GAN: variants seen among roughly 807,000 people sequenced by gnomAD.
The protein encoded by GAN is gigaxonin, also known as epididymis secretory sperm binding protein.
A neutral mutation model predicts 71.3 loss-of-function variants in GAN; 48 were observed. The ratio of observed to expected loss-of-function variants is 0.67; its 90% CI spans 0.53 to 0.86. The LOEUF is 0.86. Ranked by LOEUF, GAN falls within the 40% of genes least tolerant of loss-of-function variation. The pLI, the probability that GAN is intolerant of heterozygous loss-of-function variation, is 0.00. For missense variants in GAN, 928 were observed against 770.1 expected (o/e 1.21, Z -2.43); for synonymous variants, 386 against 276.8 (o/e 1.39, Z -3.92).
At chr16:81,364,594 CG>C (rs1181377649) in intron 7 of GAN, among the ~76,000 whole-genome samples, 3 of 152,120 alleles carry the variant, frequency 2.0e-5, no homozygotes, top group Non-Finnish European at 4.4e-5. Context: ...GAGGCTGAGG[CG>C]GAAGGATCTG....
In GAN at chr16:81,386,240, T is replaced by G. The variant is rs1399617669; in HGVS notation, c.*8644T>G. The G allele has an allele frequency of 1.3e-5, 2 of 152,246 alleles. No homozygotes were observed. The allele number at this position is 152,246 out of a possible 1,614,324, so 9.4% of individuals were successfully genotyped here. A position where few individuals can be genotyped will look rare whatever the true frequency, so the allele number is the denominator to read the frequency against. On this transcript the variant is annotated 3_prime_UTR_variant, in exon 11 of 11. Coordinates refer to ENST00000648994, the MANE Select transcript of GAN (RefSeq NM_022041.4). ...TAATACTTAAAACTCTTTACTAAAG[T>G]TGAATTTTCCTTTTTTTTCATTGAA...
rs200071920 is a variant in GAN, at chr16:81,356,925, A to G, written c.774A>G (p.Gln258=). The change falls in exon 4 of 11, where the codon CAA becomes CAG. Residue 258 remains glutamine, a synonymous_variant. Transcript: ENST00000648994. The part of the protein sequence containing the change: ...CSNIPLSQPQ[Q]GEAMLANFKP... ...ATATACCGCTCAGCCAGCCGCAGCAAGGGGAGGCGATGCTGGCCAACTTCA... is the reference window on the plus strand; with the variant it reads ...ATATACCGCTCAGCCAGCCGCAGCAGGGGGAGGCGATGCTGGCCAACTTCA... The G allele has an allele frequency of 6.2e-7, 1 of 1,613,914 alleles. No individual in the cohort carries two copies. The highest frequency in any genetic ancestry group is 8.5e-7 in the Non-Finnish European group (1 of 1,179,848).
intron 1 of GAN, among the ~76,000 whole-genome samples, chr16:81,334,855 A>G (rs1021307891): frequency 6.6e-6 from 1 of 152,304 alleles, no homozygotes; most frequent in African/African-American, 2.4e-5. Flanking sequence ...TGGTTCTCTA[A>G]CCTGGCTGCG....
rs934454329 is a variant in GAN, at chr16:81,333,753, G to A, written c.168-17830G>A. Among the ~76,000 whole-genome samples, 19 of 152,140 alleles carry A rather than the reference G, an allele frequency of 1.2e-4. No individual in the cohort carries two copies. In the South Asian group the frequency reaches 1.5e-3, roughly 12 times the overall value. Reference sequence around the variant, plus strand: ...TAGTACCTAATATCTCACCTGGTGCGGTGAGAGGCTAGCTACACAAAACAA... The same window carrying A: ...TAGTACCTAATATCTCACCTGGTGCAGTGAGAGGCTAGCTACACAAAACAA... On this transcript the variant is annotated intron_variant, in intron 1 of 10. Transcript: ENST00000648994.
rs1294068823 is a variant in GAN, at chr16:81,390,187, T to C, written c.*12591T>C. 2 of 152,196 alleles carry C rather than the reference T, an allele frequency of 1.3e-5. No homozygotes were observed. The allele number at this position is 152,196 out of a possible 1,614,324, so 9.4% of individuals were successfully genotyped here. A position where few individuals can be genotyped will look rare whatever the true frequency, so the allele number is the denominator to read the frequency against. ...TTTAGAAAGTTCAAAATATTGGAAG[T>C]GCTAGAAGGCTGCAACTTGTAAAAT... On this transcript the variant is annotated 3_prime_UTR_variant, in exon 11 of 11. Coordinates refer to ENST00000648994, the MANE Select transcript of GAN (RefSeq NM_022041.4).
chr16:81,348,106 C>G (rs1303344598), intron 1 of GAN, among the ~76,000 whole-genome samples: 5 of 152,140 alleles, frequency 3.3e-5, no homozygotes, highest in African/African-American at 7.2e-5. Context: ...TTCCAAAGTG[C>G]TGGGGTTATA....
Position 81,382,416 on chromosome 16 carries a change from G to A in GAN, c.*4820G>A, listed in dbSNP as rs927357332. 1.1e-4 allele frequency: 16 copies of A among 152,184 alleles called. No individual in the cohort carries two copies. The highest frequency in any genetic ancestry group is 3.6e-4 in the African/African-American group (15 of 41,450). The allele number at this position is 152,184 out of a possible 1,614,324, so 9.4% of individuals were successfully genotyped here. A position where few individuals can be genotyped will look rare whatever the true frequency, so the allele number is the denominator to read the frequency against. ...TGATTTTCTTTGTTAGTTAGCTATA[G>A]GAAGGTTAAGAATTTATTTACTAAG... On this transcript the variant is annotated 3_prime_UTR_variant, in exon 11 of 11. Transcript: ENST00000648994.
intron 1 of GAN, among the ~76,000 whole-genome samples, chr16:81,323,604 A>C (rs1909286496): frequency 6.6e-6 from 1 of 152,218 alleles, no homozygotes; most frequent in African/African-American, 2.4e-5. Context: ...CTTCACAGAT[A>C]TATTTCACAG....
At chr16:81,327,266 A>G (rs1909421223) in intron 1 of GAN, among the ~76,000 whole-genome samples, 1 of 152,238 alleles carries the variant, frequency 6.6e-6, no homozygotes, top group Admixed American at 6.5e-5. Context: ...TTTCAGCTTC[A>G]AGTTGTTTGG....
At chr16:81,369,503 T>C (rs1207501771) in intron 9 of GAN, among the ~76,000 whole-genome samples, 1 of 152,256 alleles carries the variant, frequency 6.6e-6, no homozygotes, top group Non-Finnish European at 1.5e-5. Context: ...AAAATGTTTG[T>C]GTAGCTTGTT....
chr16:81,364,061 A>G lies in GAN; in HGVS notation c.1236+118A>G, dbSNP rs564767823. Reference sequence around the variant, plus strand: ...TGATGGTGTTAAAAGAATTAACTTTATAGAACTCTCTTTATCGGTAGTTTG... The same window carrying G: ...TGATGGTGTTAAAAGAATTAACTTTGTAGAACTCTCTTTATCGGTAGTTTG... On this transcript the variant is annotated intron_variant, in intron 7 of 10. Coordinates refer to ENST00000648994, the MANE Select transcript of GAN (RefSeq NM_022041.4). 19 of 863,016 alleles carry G rather than the reference A, an allele frequency of 2.2e-5. No individual in the cohort carries two copies. In the East Asian group the frequency reaches 3.1e-4, roughly 14 times the overall value. 53.5% of individuals were successfully genotyped at this position (863,016 alleles called of 1,614,324 possible). A position where few individuals can be genotyped will look rare whatever the true frequency, so the allele number is the denominator to read the frequency against.
At chr16:81,315,828 T>A (rs919729679) in intron 1 of GAN, among the ~76,000 whole-genome samples, 5 of 152,266 alleles carry the variant, frequency 3.3e-5, no homozygotes, top group African/African-American at 9.6e-5. Context: ...AGCGCCTCGC[T>A]GGGTGCAGGC....
intron 1 of GAN, among the ~76,000 whole-genome samples, chr16:81,347,658 G>C (rs140554116): frequency 6.6e-6 from 1 of 152,174 alleles, no homozygotes; most frequent in Non-Finnish European, 1.5e-5. Context: ...TGATAGTTTG[G>C]CTGGTTATAA....
chr16:81,361,938 G>C (rs6564873), intron 5 of GAN, among the ~76,000 whole-genome samples: 101,967 of 152,140 alleles, frequency 0.67, 34,674 homozygotes, highest in East Asian at 0.93. Flanking sequence ...AGTCCTTGTA[G>C]CTTGGCTTCC....
intron 1 of GAN, among the ~76,000 whole-genome samples, chr16:81,351,057 A>C (rs1252355607): frequency 2.0e-5 from 3 of 152,250 alleles, no homozygotes; most frequent in Non-Finnish European, 4.4e-5. Flanking sequence ...TTAAAATTTA[A>C]AATATATATT....
At chr16:81,352,322 C>T (rs531378705) in intron 2 of GAN, among the ~76,000 whole-genome samples, 41 of 152,292 alleles carry the variant, frequency 2.7e-4, no homozygotes, top group South Asian at 4.1e-4. Flanking sequence ...GAATGATAAA[C>T]GATCAGACTT....
intron 1 of GAN, among the ~76,000 whole-genome samples, chr16:81,332,595 T>C (rs557921712): frequency 6.6e-5 from 10 of 152,152 alleles, no homozygotes; most frequent in African/African-American, 2.4e-4. Flanking sequence ...GTGACCACTC[T>C]CTCCCAAGAG....
At chr16:81,334,991 G>A (rs1241932211) in intron 1 of GAN, among the ~76,000 whole-genome samples, 2 of 152,094 alleles carry the variant, frequency 1.3e-5, no homozygotes, top group Admixed American at 6.5e-5. Context: ...AAACAAATGC[G>A]TCTTATTAGA....
At chr16:81,367,799 A>C (rs1910909582) in intron 9 of GAN, among the ~76,000 whole-genome samples, 1 of 152,214 alleles carries the variant, frequency 6.6e-6, no homozygotes, top group Non-Finnish European at 1.5e-5. Context: ...CAGACACACA[A>C]GGAGCAAGAA....
Sources: gnomAD v4.1 joint callset for allele counts (sites outside exome capture counted in the v4.1 genomes callset) on GRCh38, gnomAD v4.1.1 for gene constraint, MANE v1.5 for transcripts, NCBI Gene and HGNC (gene_info 2026-07-23, HGNC 2026-07-21) for gene names.